Variants in SGCD observed in about 807,000 individuals in gnomAD.
SGCD encodes the protein delta-sarcoglycan.
Under a neutral mutation model 36.6 loss-of-function variants are expected in SGCD, and 18 were observed. The ratio of observed to expected loss-of-function variants is 0.49; its 90% CI spans 0.34 to 0.73. The LOEUF is 0.73. SGCD is among the 30% of genes least tolerant of loss of function. The probability of loss-of-function intolerance (pLI) is 0.01; values close to 1 mark genes in which losing one functional copy is unlikely to be tolerated. For missense variants in SGCD, 387 were observed against 346.7 expected (o/e 1.12, Z -0.92); for synonymous variants, 133 against 130.6 (o/e 1.02, Z -0.12).
chr5:156,499,836 A>T (rs1756369983), intron 3 of SGCD, among the ~76,000 whole-genome samples: 1 of 152,168 alleles, frequency 6.6e-6, no homozygotes, highest in African/African-American at 2.4e-5. Flanking sequence ...TACGAAGAAG[A>T]TGGTTCAGTA....
intron 3 of SGCD, among the ~76,000 whole-genome samples, chr5:156,262,508 T>A (rs982329070): frequency 6.6e-6 from 1 of 152,138 alleles, no homozygotes; most frequent in Non-Finnish European, 1.5e-5. Flanking sequence ...TACTAAGTAT[T>A]TAAAACTGTG....
At chr5:156,349,282 G>A (rs192499393) in intron 3 of SGCD, among the ~76,000 whole-genome samples, 171 of 152,022 alleles carry the variant, frequency 1.1e-3, no homozygotes, top group African/African-American at 2.3e-3. Flanking sequence ...AAAAGCTTCC[G>A]CACAGTAAAA....
chr5:155,914,264 C>A (rs748834037), intron 1 of SGCD, among the ~76,000 whole-genome samples: 1 of 152,140 alleles, frequency 6.6e-6, no homozygotes, highest in Non-Finnish European at 1.5e-5. Flanking sequence ...CAAATGGGAC[C>A]ATATACTATC....
chr5:155,958,163 G>A (rs1191725713), intron 1 of SGCD, among the ~76,000 whole-genome samples: 3 of 152,088 alleles, frequency 2.0e-5, no homozygotes, highest in South Asian at 2.1e-4. Flanking sequence ...TGCTGTGAGG[G>A]TTGCTATGGA....
intron 6 of SGCD, among the ~76,000 whole-genome samples, chr5:156,645,010 A>G (rs1247947315): frequency 6.6e-6 from 1 of 152,034 alleles, no homozygotes; most frequent in Non-Finnish European, 1.5e-5. Context: ...GGTGATTCAG[A>G]ACACTTTAGA....
At chr5:155,973,943 C>T (rs1369713874) in intron 1 of SGCD, among the ~76,000 whole-genome samples, 1 of 152,112 alleles carries the variant, frequency 6.6e-6, no homozygotes, top group Non-Finnish European at 1.5e-5. Context: ...TGTAGGTGCT[C>T]TTTAAAAATC....
intron 3 of SGCD, among the ~76,000 whole-genome samples, chr5:156,249,936 A>G (rs1047616754): frequency 1.3e-5 from 2 of 152,258 alleles, no homozygotes; most frequent in Middle Eastern, 3.2e-3. Flanking sequence ...TGACTGTCTA[A>G]TCAGTAAGAA....
At chr5:156,049,885 A>G (rs1217524646) in intron 1 of SGCD, among the ~76,000 whole-genome samples, 1 of 146,518 alleles carries the variant, frequency 6.8e-6, no homozygotes, top group African/African-American at 2.5e-5. Flanking sequence ...TGGAATTAGA[A>G]GTAGAGCCTG....
chr5:155,850,008 A>G, the SGCD span, among the ~76,000 whole-genome samples: 2 of 152,204 alleles, frequency 1.3e-5, no homozygotes, highest in East Asian at 3.8e-4. Context: ...CTATATAAAT[A>G]TCAGGAATAG....
At chr5:155,748,028 T>G in the SGCD span, among the ~76,000 whole-genome samples, 5 of 152,120 alleles carry the variant, frequency 3.3e-5, no homozygotes, top group Non-Finnish European at 7.4e-5. Context: ...AGGGTAAGAA[T>G]CAAATCCTTT....
chr5:156,253,040 T>A (rs768506628), intron 3 of SGCD, among the ~76,000 whole-genome samples: 1 of 152,210 alleles, frequency 6.6e-6, no homozygotes, highest in Non-Finnish European at 1.5e-5. Context: ...TTACAAGTAG[T>A]AAAAACCCAT....
At chr5:156,583,218 C>T (rs1760354963) in intron 4 of SGCD, among the ~76,000 whole-genome samples, 1 of 152,152 alleles carries the variant, frequency 6.6e-6, no homozygotes, top group Non-Finnish European at 1.5e-5. Flanking sequence ...GACTCCTAGG[C>T]ATTTCACACT....
intron 3 of SGCD, among the ~76,000 whole-genome samples, chr5:156,458,210 C>A (rs1015027143): frequency 2.6e-5 from 4 of 152,170 alleles, no homozygotes; most frequent in Non-Finnish European, 4.4e-5. Flanking sequence ...TCTCCCTCTC[C>A]GTCCCCATAA....
At chr5:156,031,602 A>G (rs893563817) in intron 1 of SGCD, among the ~76,000 whole-genome samples, 35 of 152,234 alleles carry the variant, frequency 2.3e-4, no homozygotes, top group Non-Finnish European at 3.2e-4. Flanking sequence ...GATAATGTCC[A>G]TATTATTTGA....
intron 3 of SGCD, among the ~76,000 whole-genome samples, chr5:156,179,043 G>GA (rs1763540938): frequency 6.6e-6 from 1 of 152,082 alleles, no homozygotes; most frequent in Non-Finnish European, 1.5e-5. Context: ...ATCAAAATAG[G>GA]AAAAATGACT....
intron 3 of SGCD, among the ~76,000 whole-genome samples, chr5:156,366,379 G>T (rs1015475370): frequency 1.3e-5 from 2 of 152,168 alleles, no homozygotes; most frequent in Non-Finnish European, 2.9e-5. Context: ...TGGAAATTTG[G>T]AAGGACAGAT....
intron 3 of SGCD, among the ~76,000 whole-genome samples, chr5:156,173,791 G>T (rs1763396993): frequency 6.6e-6 from 1 of 150,386 alleles, no homozygotes; most frequent in South Asian, 2.1e-4. Context: ...TACTTACCTT[G>T]ACCTTTCATG....
chr5:156,186,725 G>T (rs1435877967), intron 3 of SGCD, among the ~76,000 whole-genome samples: 1 of 152,196 alleles, frequency 6.6e-6, no homozygotes, highest in Admixed American at 6.5e-5. Flanking sequence ...ATCTGAACTT[G>T]TCACATCTGA....
chr5:156,253,401 A>G (rs1192518543), intron 3 of SGCD, among the ~76,000 whole-genome samples: 1 of 152,200 alleles, frequency 6.6e-6, no homozygotes, highest in African/African-American at 2.4e-5. Flanking sequence ...TTTTATATTT[A>G]CAAGGAAGGG....
Sources: allele counts gnomAD v4.1 joint callset (sites outside exome capture counted in the v4.1 genomes callset), GRCh38; gene constraint gnomAD v4.1.1; transcripts MANE v1.5; gene names NCBI Gene and HGNC (gene_info 2026-07-23, HGNC 2026-07-21).